THAP6: variants seen among roughly 807,000 people sequenced by gnomAD.
THAP6 encodes the protein THAP domain-containing protein 6.
In THAP6, 13 loss-of-function variants were observed where a neutral mutation model predicts 20.0. That is an observed-to-expected ratio of 0.65 (90% CI 0.42 to 1.03). The LOEUF (loss-of-function observed/expected upper bound fraction) is 1.03. Among genes scored for constraint, THAP6 ranks in the 50% least tolerant of loss-of-function variants. The pLI is 0.00. For synonymous variants in THAP6, 93 were observed against 92.2 expected (o/e 1.01, Z -0.05); for missense variants, 262 against 261.6 (o/e 1.00, Z -0.01).
At chr4:75,540,877 C>G (rs1726983991) in intron 2 of THAP6, among the ~76,000 whole-genome samples, 1 of 152,144 alleles carries the variant, frequency 6.6e-6, no homozygotes, top group African/African-American at 2.4e-5. Flanking sequence ...TGGATTGTCA[C>G]TCTTATTATA....
intron 3 of THAP6, 36 bp downstream of exon 3, chr4:75,517,015 A>AAT: frequency 6.9e-5 from 79 of 1,138,184 alleles, no homozygotes; most frequent in Non-Finnish European, 9.1e-5. Context: ...ATCATTGCTC[A>AAT]CTTTTTTTTT....
downstream of THAP6, among the ~76,000 whole-genome samples, chr4:75,534,859 T>C (rs1021856374): frequency 7.9e-5 from 12 of 152,150 alleles, no homozygotes; most frequent in African/African-American, 2.9e-4. Context: ...ACCACAATGA[T>C]ATACCATCTC....
At position 75,529,916 on chromosome 4, in the gene THAP6, G is replaced by A; in HGVS notation, c.*2702G>A. 1.1e-6 allele frequency: 1 copy of A among 892,260 alleles called. No homozygotes were observed. Among genetic ancestry groups the A allele is most frequent in the Non-Finnish European group, 1.3e-6 (1 of 745,298 alleles). The allele number at this position is 892,260 out of a possible 1,614,324, so 55.3% of individuals were successfully genotyped here. The stretch of plus-strand genomic sequence containing the variant: ...TCTGTAATTTGAGAAAAGGTGAAAT[G>A]TATTTAATATATATTTAGTTTTAAT... On this transcript the variant is annotated 3_prime_UTR_variant, in exon 5 of 5. Transcript: ENST00000311638.
intron 2 of THAP6, 103 bp from the exon 3 acceptor site, chr4:75,516,669 C>T (rs1725666856): frequency 1.1e-6 from 1 of 879,054 alleles, no homozygotes; most frequent in Non-Finnish European, 1.7e-6. Context: ...GACTAATAAA[C>T]TAGTTAACGA....
In THAP6 at chr4:75,529,123, G is replaced by C; in HGVS notation, c.*1909G>C. 1.0e-6 allele frequency: 1 copy of C among 977,736 alleles called. No individual in the cohort carries two copies. Among genetic ancestry groups the C allele is most frequent in the African/African-American group, 1.7e-5 (1 of 57,164 alleles). 60.6% of individuals were successfully genotyped at this position (977,736 alleles called of 1,614,324 possible). On this transcript the variant is annotated 3_prime_UTR_variant, in exon 5 of 5. Coordinates refer to ENST00000311638, the MANE Select transcript of THAP6 (RefSeq NM_144721.6). ...TTACTTAATTTTGAGTTCATAAATG[G>C]CCACCCTAATGGAAAGTTTGGGTAT...
At chr4:75,545,764 T>C (rs1357046136) in intron 3 of THAP6, among the ~76,000 whole-genome samples, 1 of 152,222 alleles carries the variant, frequency 6.6e-6, no homozygotes, top group Non-Finnish European at 1.5e-5. Context: ...TGACCACAGA[T>C]GGGAGACTAG....
intron 4 of THAP6, among the ~76,000 whole-genome samples, chr4:75,526,403 A>G (rs1007110397): frequency 2.0e-5 from 3 of 152,142 alleles, no homozygotes; most frequent in African/African-American, 4.8e-5. Context: ...TATTTTCCCT[A>G]TTCTCAAATG....
At chr4:75,537,857 C>T (rs764560637) in intron 2 of THAP6, among the ~76,000 whole-genome samples, 4 of 152,124 alleles carry the variant, frequency 2.6e-5, no homozygotes, top group Admixed American at 6.5e-5. Context: ...CCTCTAGAAG[C>T]TGGAAAAGGG....
At chr4:75,542,326 A>G (rs543362281) in intron 2 of THAP6, 16 of 655,522 alleles carry the variant, frequency 2.4e-5, no homozygotes, top group Non-Finnish European at 3.6e-5. Context: ...CAGAGTACTG[A>G]TATCTGGGAA....
At chr4:75,544,711 T>C (rs1425032943) in intron 3 of THAP6, 1 of 152,000 alleles carries the variant, frequency 6.6e-6, no homozygotes, top group East Asian at 1.9e-4. Flanking sequence ...CACTGTTTCA[T>C]CTAAAAACAT....
intron 4 of THAP6, among the ~76,000 whole-genome samples, chr4:75,523,939 GTA>G (rs1191943423): frequency 6.6e-6 from 1 of 151,898 alleles, no homozygotes; most frequent in African/African-American, 2.4e-5. Flanking sequence ...TTTGATTTTT[GTA>G]TATTGTAAGA....
chr4:75,545,723 G>C (rs1482168395), intron 3 of THAP6, among the ~76,000 whole-genome samples: 1 of 152,202 alleles, frequency 6.6e-6, no homozygotes. Context: ...TCTGTGAGAA[G>C]AATGCCTCTC....
downstream of THAP6, among the ~76,000 whole-genome samples, chr4:75,534,397 A>T (rs1464185586): frequency 1.3e-5 from 2 of 152,228 alleles, no homozygotes; most frequent in Non-Finnish European, 1.5e-5. Context: ...CTGACACCTT[A>T]TACAAAAATT....
chr4:75,529,231 A>G lies in THAP6; in HGVS notation c.*2017A>G, dbSNP rs923840121. 23 of 985,046 alleles carry G rather than the reference A, an allele frequency of 2.3e-5. No individual in the cohort carries two copies. Among genetic ancestry groups the G allele is most frequent in the Middle Eastern group, 1.0e-3 (2 of 1,914 alleles). 61.0% of individuals were successfully genotyped at this position (985,046 alleles called of 1,614,324 possible). A position where few individuals can be genotyped will look rare whatever the true frequency, so the allele number is the denominator to read the frequency against. The stretch of plus-strand genomic sequence containing the variant: ...GTGAATATATAAATTAAAGTAAGAC[A>G]ATGGAGTAAGTAAGAGGGTAGATCC... On this transcript the variant is annotated 3_prime_UTR_variant, in exon 5 of 5. Coordinates refer to ENST00000311638, the MANE Select transcript of THAP6 (RefSeq NM_144721.6).
chr4:75,546,751 C>T (rs150568721), intron 3 of THAP6, among the ~76,000 whole-genome samples: 56 of 152,284 alleles, frequency 3.7e-4, no homozygotes, highest in Non-Finnish European at 6.6e-4. Context: ...CTGCACAGTT[C>T]CCTCTTACTC....
upstream of THAP6, chr4:75,514,369 C>G: frequency 7.0e-7 from 1 of 1,426,982 alleles, no homozygotes; most frequent in Non-Finnish European, 9.5e-7. Context: ...CTCTAGCACA[C>G]CCCTCCCAGC....
chr4:75,523,207 C>G (rs1408097924), intron 4 of THAP6, among the ~76,000 whole-genome samples: 1 of 152,124 alleles, frequency 6.6e-6, no homozygotes, highest in Non-Finnish European at 1.5e-5. Flanking sequence ...AGTGATAATG[C>G]GTACCTTTTC....
chr4:75,517,016 C>CTTTTTT (rs34218401), intron 3 of THAP6, 37 bp downstream of exon 3: 9 of 903,846 alleles, frequency 1.0e-5, no homozygotes, highest in Non-Finnish European at 1.4e-5. Context: ...TCATTGCTCA[C>CTTTTTT]TTTTTTTTTT....
At chr4:75,542,233 G>A (rs575548306) in intron 2 of THAP6, among the ~76,000 whole-genome samples, 1 of 152,150 alleles carries the variant, frequency 6.6e-6, no homozygotes. Flanking sequence ...CCCTACAAAT[G>A]ACTGCCTCCA....
Sources: allele counts gnomAD v4.1 joint callset (sites outside exome capture counted in the v4.1 genomes callset), GRCh38; gene constraint gnomAD v4.1.1; transcripts MANE v1.5; gene names NCBI Gene and HGNC (gene_info 2026-07-23, HGNC 2026-07-21).